The following GALC variants were observed in gnomAD, a reference collection of about 807,000 sequenced individuals.
The protein encoded by GALC is galactocerebrosidase.
In GALC, 77 loss-of-function variants were observed where a neutral mutation model predicts 91.8. That is an observed-to-expected ratio of 0.84 (90% confidence interval 0.70 to 1.01). The LOEUF is 1.01. Among genes scored for constraint, GALC ranks in the 50% least tolerant of loss-of-function variants. GALC has a pLI of 0.00. For missense variants in GALC, 882 were observed against 855.9 expected (o/e 1.03, Z -0.38); for synonymous variants, 357 against 306.7 (o/e 1.16, Z -1.71).
intron 3 of GALC, chr14:87,987,012 C>T (rs1482697647): frequency 2.2e-6 from 1 of 454,578 alleles, no homozygotes; most frequent in South Asian, 1.6e-5. Flanking sequence ...TCCCTGGACT[C>T]GTGAGCCCTG....
intron 10 of GALC, chr14:87,954,000 A>G (rs1326250240): frequency 6.2e-7 from 1 of 1,609,388 alleles, no homozygotes; most frequent in Non-Finnish European, 8.5e-7. Context: ...TGGAGATATA[A>G]TTTTACTCGC....
chr14:87,992,371 T>C, intron 1 of GALC: 2 of 1,535,686 alleles, frequency 1.3e-6, no homozygotes, highest in South Asian at 2.4e-5. Flanking sequence ...GCCGCTCGCT[T>C]ATCTTCCTTT....
chr14:87,943,800 G>T (rs1382684595), intron 14 of GALC, among the ~76,000 whole-genome samples: 1 of 142,028 alleles, frequency 7.0e-6, no homozygotes, highest in Non-Finnish European at 1.6e-5. Flanking sequence ...GGATTTGTGT[G>T]GATCTCTGAG....
intron 7 of GALC, among the ~76,000 whole-genome samples, chr14:87,971,547 G>A (rs1410313136): frequency 1.3e-5 from 2 of 151,876 alleles, no homozygotes; most frequent in African/African-American, 2.4e-5. Flanking sequence ...CACATAAATG[G>A]AAAAAATTTA....
At chr14:87,972,257 T>C (rs1212279532) in intron 7 of GALC, among the ~76,000 whole-genome samples, 2 of 152,138 alleles carry the variant, frequency 1.3e-5, no homozygotes, top group Middle Eastern at 3.2e-3. Context: ...TCTCACAAAT[T>C]TATATAATAT....
intron 7 of GALC, among the ~76,000 whole-genome samples, chr14:87,972,815 C>A (rs548312704): frequency 7.2e-5 from 11 of 151,732 alleles, no homozygotes; most frequent in Non-Finnish European, 1.6e-4. Context: ...CAAATAAGAC[C>A]AAAGTATAAC....
Position 87,988,526 on chromosome 14 carries a change from A to T in GALC, c.196-3T>A. On this transcript the variant is annotated splice_region_variant and splice_polypyrimidine_tract_variant and intron_variant, in intron 1 of 16. Transcript: ENST00000261304. Reference sequence around the variant, plus strand: ...TTTACTAGAAGTCGGGAGGTTGCCTAAAAAAAAAAGTTTTCAAAAGTATGA... The same window carrying T: ...TTTACTAGAAGTCGGGAGGTTGCCTTAAAAAAAAAGTTTTCAAAAGTATGA... 3.7e-6 allele frequency: 5 copies of T among 1,360,160 alleles called. No homozygotes were observed. Among genetic ancestry groups the T allele is most frequent in the South Asian group, 1.2e-5 (1 of 80,082 alleles). The allele number at this position is 1,360,160 out of a possible 1,614,324, so 84.3% of individuals were successfully genotyped here. A position where few individuals can be genotyped will look rare whatever the true frequency, so the allele number is the denominator to read the frequency against.
At position 87,950,673 on chromosome 14, in the gene GALC, G is replaced by A. The variant is rs1156529393; in HGVS notation, c.1237C>T (p.Leu413Phe). The A allele has an allele frequency of 1.3e-6, 2 of 1,595,236 alleles. No homozygotes were observed. The highest frequency in any genetic ancestry group is 1.7e-6 in the Non-Finnish European group (2 of 1,164,548). The change falls in exon 11 of 17, where the codon CTT (leucine) becomes TTT (phenylalanine). Residue 413 changes from leucine (L) to phenylalanine (F), a missense_variant. Coordinates refer to ENST00000261304, the MANE Select transcript of GALC (RefSeq NM_000153.4). ...TATTTACTTACAAAAGATCCCTTAA[G>A]AACAAAGGTGGCAAATTGTTGTGAC... Reference protein sequence around the residue: ...NVSQQFATFVLKGSFSEIPEL... With the variant: ...NVSQQFATFVFKGSFSEIPEL...
intron 7 of GALC, 93 bp downstream of exon 7, chr14:87,976,265 T>C: frequency 7.4e-7 from 1 of 1,345,326 alleles, no homozygotes; most frequent in Non-Finnish European, 1.1e-6. Flanking sequence ...CTTCTGAGAA[T>C]GTAATCAAAT....
chr14:87,986,017 G>C (rs760805108), intron 4 of GALC, among the ~76,000 whole-genome samples: 1 of 152,012 alleles, frequency 6.6e-6, no homozygotes, highest in South Asian at 2.1e-4. Context: ...CTAAAAATAG[G>C]GTTCACTACT....
At chr14:87,973,967 C>G (rs941423608) in intron 7 of GALC, among the ~76,000 whole-genome samples, 3 of 152,092 alleles carry the variant, frequency 2.0e-5, no homozygotes, top group African/African-American at 7.2e-5. Flanking sequence ...AAAACCAAAC[C>G]TTGCTAAATA....
chr14:87,992,317 A>AC, intron 1 of GALC: 1 of 1,535,756 alleles, frequency 6.5e-7, no homozygotes. Context: ...AAGGTCGGCC[A>AC]CCATGAAGCC....
intron 1 of GALC, among the ~76,000 whole-genome samples, chr14:87,989,061 G>T (rs1887088984): frequency 6.6e-6 from 1 of 152,148 alleles, no homozygotes. Context: ...AAAGACAAGG[G>T]TAGACAGCGC....
In GALC at chr14:87,945,701, C is replaced by A; in HGVS notation, c.1522G>T (p.Ala508Ser). The A allele has an allele frequency of 6.2e-7, 1 of 1,612,114 alleles. No homozygotes were observed. Among genetic ancestry groups the A allele is most frequent in the Non-Finnish European group, 8.5e-7 (1 of 1,178,866 alleles). The change falls in exon 14 of 17, where the codon GCT becomes TCT. Residue 508 changes from alanine to serine, a missense_variant. Coordinates refer to ENST00000261304, the MANE Select transcript of GALC (RefSeq NM_000153.4). ...YPFFSEAPNF[A>S]DQTGVFEYFT... ...TATTCAAATACACCAGTTTGATCAG[C>A]AAAGTTTGGAGCTTCACTAAAAAAT...
chr14:87,953,737 G>A (rs1885403825), intron 10 of GALC: 1 of 1,606,490 alleles, frequency 6.2e-7, no homozygotes, highest in African/African-American at 1.3e-5. Flanking sequence ...TGTAGAAATG[G>A]ATCAGAGGAA....
rs1184557571 is a variant in GALC at position 87,941,505 on chromosome 14, C to T, written c.1724G>A (p.Gly575Asp). 1.3e-6 allele frequency: 2 copies of T among 1,596,938 alleles called. No homozygotes were observed. The highest frequency in any genetic ancestry group is 2.7e-5 in the African/African-American group (2 of 74,544). Reference protein sequence around the residue: ...DVYIETPDTGGVFIAGRVNKG... With the variant: ...DVYIETPDTGDVFIAGRVNKG... The stretch of plus-strand genomic sequence containing the variant: ...ATTTACTCTTCCTGCAATGAACACA[C>T]CTCCTGTGTCAGGGGTCTCTATGTA... Residue 575 changes from glycine (G) to aspartate (D), a missense_variant, in exon 15 of 17, where the codon GGT (glycine) becomes GAT (aspartate). Physicochemically the swap from Gly to Asp is moderately conservative, Grantham distance 94. Coordinates refer to ENST00000261304, the MANE Select transcript of GALC (RefSeq NM_000153.4).
intron 14 of GALC, 86 bp from the exon 15 acceptor site, chr14:87,941,644 C>G: frequency 1.1e-6 from 1 of 951,102 alleles, no homozygotes; most frequent in South Asian, 1.3e-5. Flanking sequence ...GCACATGCTT[C>G]CAAACTTCTA....
chr14:87,993,123 C>G lies in GALC; in HGVS notation c.42G>C (p.Ala14=), dbSNP rs112992946. The change falls in exon 1 of 17, where the codon GCG becomes GCC. Residue 14 remains alanine, a synonymous_variant. Coordinates refer to ENST00000261304, the MANE Select transcript of GALC (RefSeq NM_000153.4). ...WLLSASWQRR[A]KAMTAAAGSA... ...AACCCGCGGCCGCAGTCATAGCTTT[C>G]GCTCGGCGTTGCCAGGAAGCCGAGA... is the stretch of plus-strand genomic sequence containing the variant. The G allele has an allele frequency of 0.14, 221,168 of 1,586,138 alleles. 16,698 individuals are homozygous for G. Among genetic ancestry groups the G allele is most frequent in the Middle Eastern group, 0.16 (942 of 5,952 alleles).
intron 5 of GALC, among the ~76,000 whole-genome samples, chr14:87,983,879 T>C (rs1023493546): frequency 1.3e-5 from 2 of 152,202 alleles, no homozygotes; most frequent in Non-Finnish European, 2.9e-5. Context: ...GAGCTAAAAG[T>C]GTTTTTAGTT....
Sources: allele counts gnomAD v4.1 joint callset (sites outside exome capture counted in the v4.1 genomes callset), GRCh38; gene constraint gnomAD v4.1.1; transcripts MANE v1.5; gene names NCBI Gene and HGNC (gene_info 2026-07-23, HGNC 2026-07-21).